Variants in COL13A1 observed in about 807,000 individuals in gnomAD.
The protein encoded by COL13A1 is collagen type XIII alpha 1 chain, also known as collagen alpha-1(XIII) chain.
A neutral mutation model predicts 130.9 loss-of-function variants in COL13A1; 89 were observed. The ratio of observed to expected loss-of-function variants is 0.68; its 90% CI spans 0.57 to 0.81. COL13A1 has a LOEUF of 0.81. Among genes scored for constraint, COL13A1 ranks in the 30% least tolerant of loss-of-function variants. COL13A1 has a pLI of 0.00. For synonymous variants in COL13A1, 402 were observed against 341.6 expected (o/e 1.18, Z -1.95); for missense variants, 879 against 934.6 (o/e 0.94, Z 0.78).
At chr10:69,802,947 C>T (rs944944741) in intron 1 of COL13A1, among the ~76,000 whole-genome samples, 3 of 152,222 alleles carry the variant, frequency 2.0e-5, no homozygotes, top group Admixed American at 6.5e-5. Flanking sequence ...CAAGCGCCCC[C>T]GGCTTCCAGC....
intron 3 of COL13A1, among the ~76,000 whole-genome samples, chr10:69,868,522 C>T (rs2058752816): frequency 6.6e-6 from 1 of 152,180 alleles, no homozygotes; most frequent in Non-Finnish European, 1.5e-5. Context: ...GAGCACCTGC[C>T]TTTGATATCC....
chr10:69,864,745 G>A (rs1055948347), intron 2 of COL13A1, among the ~76,000 whole-genome samples: 8 of 152,302 alleles, frequency 5.3e-5, no homozygotes, highest in East Asian at 1.9e-4. Flanking sequence ...AAGCATGGCC[G>A]CCTTGCTCGG....
intron 1 of COL13A1, among the ~76,000 whole-genome samples, chr10:69,805,513 A>G (rs1362553497): frequency 1.3e-5 from 2 of 152,194 alleles, no homozygotes; most frequent in African/African-American, 4.8e-5. Context: ...GCAACTCATT[A>G]TATTTAAACT....
chr10:69,823,129 A>G (rs1322114914), intron 2 of COL13A1, among the ~76,000 whole-genome samples: 1 of 152,220 alleles, frequency 6.6e-6, no homozygotes, highest in Non-Finnish European at 1.5e-5. Flanking sequence ...CTGTTCCTCA[A>G]CTGTGTCTAT....
chr10:69,850,704 T>C (rs1854532016), intron 2 of COL13A1, among the ~76,000 whole-genome samples: 1 of 151,376 alleles, frequency 6.6e-6, no homozygotes, highest in Non-Finnish European at 1.5e-5. Context: ...AGACTCTACA[T>C]ACACACCATT....
intron 2 of COL13A1, among the ~76,000 whole-genome samples, chr10:69,865,357 A>G (rs1247637855): frequency 1.3e-5 from 2 of 152,206 alleles, no homozygotes; most frequent in Non-Finnish European, 2.9e-5. Context: ...AGCATCTTAG[A>G]GCTGCCAGGC....
chr10:69,857,385 C>T (rs77288688), intron 2 of COL13A1, among the ~76,000 whole-genome samples: 11,301 of 152,230 alleles, frequency 0.074, 543 homozygotes, highest in African/African-American at 0.12. Context: ...ATCTGAGAGG[C>T]AGGGCAACAG....
intron 15 of COL13A1, among the ~76,000 whole-genome samples, chr10:69,903,971 A>G (rs974993130): frequency 6.6e-6 from 1 of 152,156 alleles, no homozygotes; most frequent in Non-Finnish European, 1.5e-5. Context: ...ATGGCCGAAC[A>G]CAGCATCCAC....
intron 5 of COL13A1, among the ~76,000 whole-genome samples, chr10:69,875,699 A>G: frequency 6.6e-6 from 1 of 152,268 alleles, no homozygotes; most frequent in Non-Finnish European, 1.5e-5. Flanking sequence ...TCTTGCAGGA[A>G]AGTGAAGATA....
intron 1 of COL13A1, among the ~76,000 whole-genome samples, chr10:69,804,730 G>A (rs1840998818): frequency 7.0e-6 from 1 of 143,506 alleles, no homozygotes; most frequent in African/African-American, 2.6e-5. Flanking sequence ...GGCATTGTGG[G>A]AGACACTTTT....
chr10:69,845,393 A>G (rs942425984), intron 2 of COL13A1, among the ~76,000 whole-genome samples: 14 of 152,018 alleles, frequency 9.2e-5, no homozygotes, highest in Non-Finnish European at 1.3e-4. Context: ...GGGATTCACC[A>G]TGTTGGCCAG....
At chr10:69,810,876 G>A (rs1842862666) in intron 1 of COL13A1, among the ~76,000 whole-genome samples, 1 of 152,230 alleles carries the variant, frequency 6.6e-6, no homozygotes, top group African/African-American at 2.4e-5. Context: ...TGCTGTCTGT[G>A]GCGGAAGGGG....
Position 69,902,789 on chromosome 10 carries a change from C to T in COL13A1, c.792C>T (p.Pro264=). The T allele has an allele frequency of 1.9e-6, 3 of 1,554,662 alleles. No homozygotes were observed. Among genetic ancestry groups the T allele is most frequent in the Non-Finnish European group, 2.6e-6 (3 of 1,148,854 alleles). The change falls in exon 15 of 41, where the codon CCC becomes CCT. Residue 264 remains proline (P), a synonymous_variant. Coordinates refer to ENST00000645393, the MANE Select transcript of COL13A1 (RefSeq NM_001368882.1). ...SQASIQGPPG[P]PGPPGPSGPL... Reference sequence around the variant, plus strand: ...CCAGCATCCAAGGTCCACCAGGGCCCCCAGGCCCCCCTGGACCAAGTGGAC... The same window carrying T: ...CCAGCATCCAAGGTCCACCAGGGCCTCCAGGCCCCCCTGGACCAAGTGGAC...
Position 69,959,057 on chromosome 10 carries a change from G to C in COL13A1, c.*356G>C, listed in dbSNP as rs75354252. On this transcript the variant is annotated 3_prime_UTR_variant, in exon 41 of 41. Transcript: ENST00000645393. ...ATGTGTGAATTCACATAAATGTAGA[G>C]GTCCATGATATTTGCTAAGCTAGGT... is the stretch of plus-strand genomic sequence containing the variant. The C allele has an allele frequency of 3.8e-4, 92 of 241,020 alleles. No individual in the cohort carries two copies. Among genetic ancestry groups the C allele is most frequent in the Non-Finnish European group, 5.9e-4 (74 of 124,422 alleles). The allele number at this position is 241,020 out of a possible 1,614,324, so 14.9% of individuals were successfully genotyped here.
intron 7 of COL13A1, among the ~76,000 whole-genome samples, chr10:69,884,383 G>A (rs10999008): frequency 0.053 from 8,140 of 152,234 alleles, 267 homozygotes; most frequent in East Asian, 0.15. Flanking sequence ...AACATTTGCC[G>A]GCAAGGAGTC....
chr10:69,820,436 T>C lies in COL13A1; in HGVS notation c.295-1933T>C, dbSNP rs74139204. On this transcript the variant is annotated intron_variant, in intron 1 of 40. Coordinates refer to ENST00000645393, the MANE Select transcript of COL13A1 (RefSeq NM_001368882.1). ...TCAGTCATTTAGCCGACCTGTGTCA[T>C]GTGCCTTCTGGGTGCCAGGCCCCCA... Among the ~76,000 whole-genome samples, 1,218 of 152,334 alleles carry C rather than the reference T, an allele frequency of 8.0e-3. 19 individuals are homozygous for C. The highest frequency in any genetic ancestry group is 0.028 in the African/African-American group (1,144 of 41,578).
At chr10:69,828,488 A>G (rs1450041454) in intron 2 of COL13A1, among the ~76,000 whole-genome samples, 3 of 152,052 alleles carry the variant, frequency 2.0e-5, no homozygotes, top group Non-Finnish European at 4.4e-5. Context: ...AGATAAGCCC[A>G]CTTTGTCTCT....
At position 69,930,448 on chromosome 10, in the gene COL13A1, C is replaced by T. The variant is rs1415828093; in HGVS notation, c.1579C>T (p.Pro527Ser). Reference protein sequence around the residue: ...GDMGPPGPQGPPGKDGPPGVK... With the variant: ...GDMGPPGPQGSPGKDGPPGVK... Reference sequence around the variant, plus strand: ...CATGGGCCCTCCTGGTCCCCAAGGCCCCCCAGGAAAGGATGGACCTCCAGG... The same window carrying T: ...CATGGGCCCTCCTGGTCCCCAAGGCTCCCCAGGAAAGGATGGACCTCCAGG... The change falls in exon 30 of 41, where the codon CCC becomes TCC. Residue 527 changes from proline to serine, a missense_variant. Around this residue, in one of 3 missense-constraint regions of COL13A1, gnomAD observed 715 missense variants for 721.0 expected, o/e 0.99. Transcript: ENST00000645393. The T allele has an allele frequency of 3.7e-6, 6 of 1,613,634 alleles. No individual in the cohort carries two copies. Among genetic ancestry groups the T allele is most frequent in the Admixed American group, 1.7e-5 (1 of 60,000 alleles).
intron 2 of COL13A1, among the ~76,000 whole-genome samples, chr10:69,823,118 C>T (rs1179338843): frequency 6.6e-6 from 1 of 152,216 alleles, no homozygotes; most frequent in East Asian, 1.9e-4. Context: ...TATCCTTGGG[C>T]CTGTTCCTCA....
Sources: gnomAD v4.1 joint callset for allele counts (sites outside exome capture counted in the v4.1 genomes callset) on GRCh38, gnomAD v4.1.1 for gene constraint, gnomAD v4.1.1 regional missense constraint, MANE v1.5 for transcripts, NCBI Gene and HGNC (gene_info 2026-07-23, HGNC 2026-07-21) for gene names.